The following PYGO1 variants were observed in gnomAD, a reference collection of about 807,000 sequenced individuals.
The protein encoded by PYGO1 is pygopus family PHD finger 1, also known as pygopus homolog 1.
A neutral mutation model predicts 29.5 loss-of-function variants in PYGO1; 6 were observed. The ratio of observed to expected loss-of-function variants is 0.20; its 90% CI spans 0.11 to 0.40. The LOEUF (loss-of-function observed/expected upper bound fraction) is 0.40, where lower values mean the gene tolerates loss of function less well. Among genes scored for constraint, PYGO1 ranks in the 10% least tolerant of loss-of-function variants. PYGO1 has a pLI of 1.00. For missense variants in PYGO1, 515 were observed against 514.9 expected (o/e 1.00, Z 0.00); for synonymous variants, 186 against 180.5 (o/e 1.03, Z -0.24).
At chr15:55,556,762 AG>A (rs1161511356) in intron 1 of PYGO1, among the ~76,000 whole-genome samples, 1 of 143,194 alleles carries the variant, frequency 7.0e-6, no homozygotes, top group Non-Finnish European at 1.5e-5. Context: ...AGACTAATAA[AG>A]AAAAAAGAAT....
intron 1 of PYGO1, among the ~76,000 whole-genome samples, chr15:55,574,408 G>A (rs993698002): frequency 6.6e-6 from 1 of 152,198 alleles, no homozygotes; most frequent in African/African-American, 2.4e-5. Context: ...GTCTGCAAAT[G>A]CTTGTGTAAG....
chr15:55,548,106 A>G (rs1472587408), intron 2 of PYGO1, among the ~76,000 whole-genome samples: 1 of 151,988 alleles, frequency 6.6e-6, no homozygotes, highest in East Asian at 2.0e-4. Context: ...TGCAACCTCT[A>G]CCTTCCAGGT....
chr15:55,551,992 C>T (rs1451360039), intron 1 of PYGO1, among the ~76,000 whole-genome samples: 1 of 151,982 alleles, frequency 6.6e-6, no homozygotes, highest in East Asian at 1.9e-4. Context: ...TATACATGAT[C>T]ATTTCAATAG....
In PYGO1 at chr15:55,546,498, A is replaced by G; in HGVS notation, c.785T>C (p.Met262Thr). 6.2e-7 allele frequency: 1 copy of G among 1,614,148 alleles called. No homozygotes were observed. Among genetic ancestry groups the G allele is most frequent in the Non-Finnish European group, 8.5e-7 (1 of 1,180,020 alleles). Reference protein sequence around the residue: ...NSSAHPPHLNMDDTVNQSNIE... With the variant: ...NSSAHPPHLNTDDTVNQSNIE... Reference sequence around the variant, plus strand: ...ATTACTCTGATTCACTGTGTCATCCATATTCAAGTGAGGTGGATGAGCAGA... The same window carrying G: ...ATTACTCTGATTCACTGTGTCATCCGTATTCAAGTGAGGTGGATGAGCAGA... Residue 262 changes from methionine (M) to threonine (T), a missense_variant, in exon 3 of 3, where the codon ATG (methionine) becomes ACG (threonine). Met to Thr is a moderately conservative substitution (Grantham distance 81). Coordinates refer to ENST00000563719, the MANE Select transcript of PYGO1 (RefSeq NM_001367806.1).
intron 1 of PYGO1, among the ~76,000 whole-genome samples, chr15:55,578,317 G>C (rs2059012281): frequency 6.7e-6 from 1 of 148,694 alleles, no homozygotes; most frequent in South Asian, 2.1e-4. Flanking sequence ...TCTTGTACAA[G>C]TTTTTTTTTT....
In PYGO1 at chr15:55,544,420, A is replaced by C. The variant is rs1216969986; in HGVS notation, c.*1603T>G. 1 of 152,176 alleles carries C rather than the reference A, an allele frequency of 6.6e-6. No homozygotes were observed. Among genetic ancestry groups the C allele is most frequent in the African/African-American group, 2.4e-5 (1 of 41,442 alleles). The allele number at this position is 152,176 out of a possible 1,614,324, so 9.4% of individuals were successfully genotyped here. On this transcript the variant is annotated 3_prime_UTR_variant, in exon 3 of 3. Coordinates refer to ENST00000563719, the MANE Select transcript of PYGO1 (RefSeq NM_001367806.1). The stretch of plus-strand genomic sequence containing the variant: ...AATGATAGACAGTAGTCCATGGAAT[A>C]AAGGTCCAGTGACTAAAATGGACAT...
chr15:55,556,238 T>C (rs1296612145), intron 1 of PYGO1, among the ~76,000 whole-genome samples: 3 of 152,138 alleles, frequency 2.0e-5, no homozygotes, highest in Non-Finnish European at 4.4e-5. Context: ...TACTCTAAAA[T>C]TGATCACAAT....
chr15:55,577,633 T>G (rs576013649), intron 1 of PYGO1, among the ~76,000 whole-genome samples: 1 of 151,982 alleles, frequency 6.6e-6, no homozygotes, highest in Non-Finnish European at 1.5e-5. Flanking sequence ...GTATAGTCGG[T>G]GATTTTTATT....
chr15:55,550,569 C>CCA (rs1250298994), intron 1 of PYGO1, among the ~76,000 whole-genome samples: 17 of 152,196 alleles, frequency 1.1e-4, no homozygotes, highest in African/African-American at 4.1e-4. Flanking sequence ...CATCTCTCTT[C>CCA]CAATCCTCTA....
chr15:55,553,339 AAAG>A (rs1348804459), intron 1 of PYGO1, among the ~76,000 whole-genome samples: 3 of 151,368 alleles, frequency 2.0e-5, no homozygotes, highest in East Asian at 1.9e-4. Flanking sequence ...CAGTCTGGAC[AAAG>A]AAGGATTCCC....
At chr15:55,586,434 A>T (rs2059046711) in intron 1 of PYGO1, among the ~76,000 whole-genome samples, 1 of 152,146 alleles carries the variant, frequency 6.6e-6, no homozygotes, top group Non-Finnish European at 1.5e-5. Context: ...ATACACAATC[A>T]TCCTATAGCC....
intron 1 of PYGO1, among the ~76,000 whole-genome samples, chr15:55,570,632 A>T (rs1040843233): frequency 6.6e-6 from 1 of 152,018 alleles, no homozygotes; most frequent in Non-Finnish European, 1.5e-5. Flanking sequence ...AGATTTTTAC[A>T]TTTATAAAAA....
chr15:55,558,736 G>A lies in PYGO1; in HGVS notation c.50-9741C>T, dbSNP rs531437983. Among the ~76,000 whole-genome samples, 89 of 152,074 alleles carry A rather than the reference G, an allele frequency of 5.9e-4. No individual in the cohort carries two copies. The East Asian group carries it at 9.6e-3, about 16-fold the overall frequency. The stretch of plus-strand genomic sequence containing the variant: ...CTGACAAAAACAAGAAATGGGGAAA[G>A]GATTCCCTATTTAATAAATGGTGCT... On this transcript the variant is annotated intron_variant, in intron 1 of 2. Coordinates refer to ENST00000563719, the MANE Select transcript of PYGO1 (RefSeq NM_001367806.1).
chr15:55,549,030 T>C, intron 1 of PYGO1, 35 bp from the exon 2 acceptor site: 1 of 1,522,756 alleles, frequency 6.6e-7, no homozygotes, highest in African/African-American at 1.4e-5. Context: ...TATTTCCCAC[T>C]TGTAAGTGAA....
intron 1 of PYGO1, among the ~76,000 whole-genome samples, chr15:55,553,909 C>T (rs1453167008): frequency 6.6e-6 from 1 of 151,998 alleles, no homozygotes; most frequent in East Asian, 1.9e-4. Flanking sequence ...CAGGAGCAGA[C>T]CCCCAGCAAA....
intron 1 of PYGO1, among the ~76,000 whole-genome samples, chr15:55,550,392 C>T (rs1249790343): frequency 1.3e-5 from 2 of 152,144 alleles, no homozygotes; most frequent in African/African-American, 2.4e-5. Context: ...GAAATTTCTG[C>T]CCCTCCTGTC....
At chr15:55,578,473 T>C (rs1009756784) in intron 1 of PYGO1, among the ~76,000 whole-genome samples, 4 of 152,188 alleles carry the variant, frequency 2.6e-5, no homozygotes, top group Non-Finnish European at 5.9e-5. Flanking sequence ...TATATTTTCA[T>C]CTGCAAGGTA....
At chr15:55,583,569 T>C (rs573733942) in intron 1 of PYGO1, among the ~76,000 whole-genome samples, 1 of 152,128 alleles carries the variant, frequency 6.6e-6, no homozygotes, top group Non-Finnish European at 1.5e-5. Context: ...TAGGCTGGAG[T>C]GTCTTGGTGT....
chr15:55,551,015 T>C (rs926986894), intron 1 of PYGO1, among the ~76,000 whole-genome samples: 5 of 152,162 alleles, frequency 3.3e-5, no homozygotes, highest in African/African-American at 1.2e-4. Flanking sequence ...CATGCACAGT[T>C]CACAATAGGG....
Sources: allele counts gnomAD v4.1 joint callset (sites outside exome capture counted in the v4.1 genomes callset), GRCh38; gene constraint gnomAD v4.1.1; transcripts MANE v1.5; gene names NCBI Gene and HGNC (gene_info 2026-07-23, HGNC 2026-07-21).